COL5A2: variants seen among roughly 807,000 people sequenced by gnomAD.
The protein encoded by COL5A2 is collagen alpha-2(V) chain.
Under a neutral mutation model 208.2 loss-of-function variants are expected in COL5A2, and 23 were observed. That is an observed-to-expected ratio of 0.11 (90% CI 0.08 to 0.16). The LOEUF (loss-of-function observed/expected upper bound fraction) is 0.16. COL5A2 is among the 10% of genes least tolerant of loss of function. COL5A2 has a pLI of 1.00. For synonymous variants in COL5A2, 625 were observed against 628.5 expected (o/e 0.99, Z 0.08); for missense variants, 1,590 against 1,956.4 (o/e 0.81, Z 3.53).
chr2:189,250,957 C>A, the COL5A2 span, among the ~76,000 whole-genome samples: 1 of 152,094 alleles, frequency 6.6e-6, no homozygotes, highest in East Asian at 1.9e-4. Flanking sequence ...TTTTCAATTT[C>A]TGTGATGTAA....
the COL5A2 span, among the ~76,000 whole-genome samples, chr2:189,426,399 C>A: frequency 6.6e-6 from 1 of 152,166 alleles, no homozygotes; most frequent in South Asian, 2.1e-4. Context: ...AAGAATGCAA[C>A]CACTTGTCTC....
chr2:189,214,862 T>C (rs758707980), intron 1 of COL5A2, among the ~76,000 whole-genome samples: 3 of 152,182 alleles, frequency 2.0e-5, no homozygotes, highest in South Asian at 2.1e-4. Context: ...TAGATAAATT[T>C]TGTACTTGAA....
the COL5A2 span, among the ~76,000 whole-genome samples, chr2:189,349,553 G>A: frequency 6.6e-6 from 1 of 152,032 alleles, no homozygotes; most frequent in Admixed American, 6.6e-5. Flanking sequence ...TGATGGTGAT[G>A]GTTTATAAGT....
the COL5A2 span, among the ~76,000 whole-genome samples, chr2:189,287,196 G>A: frequency 6.6e-6 from 1 of 151,878 alleles, no homozygotes; most frequent in Non-Finnish European, 1.5e-5. Context: ...GTACCAAATT[G>A]AGAGTTATTT....
intron 1 of COL5A2, among the ~76,000 whole-genome samples, chr2:189,170,040 A>C (rs545383103): frequency 6.6e-6 from 1 of 152,332 alleles, no homozygotes; most frequent in East Asian, 1.9e-4. Context: ...TAGTAATCTA[A>C]TAATAATCAT....
the COL5A2 span, among the ~76,000 whole-genome samples, chr2:189,334,029 T>G: frequency 2.0e-5 from 3 of 150,642 alleles, no homozygotes; most frequent in South Asian, 6.2e-4. Context: ...TACAGTAATC[T>G]CAATAGATTT....
At chr2:189,373,310 G>A in the COL5A2 span, among the ~76,000 whole-genome samples, 1 of 152,078 alleles carries the variant, frequency 6.6e-6, no homozygotes, top group Non-Finnish European at 1.5e-5. Context: ...TTTAAGTTTA[G>A]TTCAGTTCAA....
chr2:189,262,207 A>G, the COL5A2 span, among the ~76,000 whole-genome samples: 1 of 152,132 alleles, frequency 6.6e-6, no homozygotes, highest in Non-Finnish European at 1.5e-5. Context: ...CTAGCCTTCC[A>G]GTTGAAAAGA....
chr2:189,305,848 G>A, the COL5A2 span, among the ~76,000 whole-genome samples: 15 of 151,814 alleles, frequency 9.9e-5, no homozygotes, highest in Non-Finnish European at 1.8e-4. Context: ...CATATATGCT[G>A]GATTTAGATT....
the COL5A2 span, among the ~76,000 whole-genome samples, chr2:189,318,907 T>C: frequency 6.6e-6 from 1 of 152,284 alleles, no homozygotes; most frequent in Non-Finnish European, 1.5e-5. Flanking sequence ...TGCCTCCAAA[T>C]GGACACCCTG....
intron 1 of COL5A2, among the ~76,000 whole-genome samples, chr2:189,173,931 T>C (rs1047773408): frequency 6.6e-6 from 1 of 152,198 alleles, no homozygotes; most frequent in African/African-American, 2.4e-5. Context: ...AATGTATAAA[T>C]CTAAGCTTTT....
At chr2:189,063,339 T>C in intron 26 of COL5A2, 69 bp from the exon 27 acceptor site, 1 of 1,231,956 alleles carries the variant, frequency 8.1e-7, no homozygotes, top group Admixed American at 1.7e-5. Context: ...ACCCAAAGTG[T>C]CACCTTTGCT....
At chr2:189,140,000 G>A (rs1687905309) in intron 1 of COL5A2, among the ~76,000 whole-genome samples, 3 of 151,998 alleles carry the variant, frequency 2.0e-5, no homozygotes, top group Admixed American at 1.3e-4. Flanking sequence ...TTGAATCCAG[G>A]AGACAGAGGT....
intron 2 of COL5A2, among the ~76,000 whole-genome samples, chr2:189,109,257 T>G (rs1041940503): frequency 2.0e-4 from 30 of 152,238 alleles, no homozygotes; most frequent in African/African-American, 7.2e-4. Flanking sequence ...ATGATTGTAT[T>G]TGCTTTGGGT....
chr2:189,194,280 ACC>A (rs1559142840), intron 1 of COL5A2, among the ~76,000 whole-genome samples: 8 of 152,210 alleles, frequency 5.3e-5, no homozygotes, highest in Non-Finnish European at 1.2e-4. Flanking sequence ...TTTCAAGTTT[ACC>A]AAAGTAGCAC....
chr2:189,314,406 C>T, the COL5A2 span, among the ~76,000 whole-genome samples: 1 of 152,100 alleles, frequency 6.6e-6, no homozygotes, highest in Non-Finnish European at 1.5e-5. Flanking sequence ...AACAAAGATA[C>T]AACACACCAG....
intron 1 of COL5A2, among the ~76,000 whole-genome samples, chr2:189,157,162 C>CT (rs1553521846): frequency 2.2e-4 from 31 of 140,828 alleles, no homozygotes; most frequent in African/African-American, 2.8e-4. Flanking sequence ...ATGTGCTAAG[C>CT]ATATATATAT....
In COL5A2 at chr2:189,137,763, C is replaced by T. The variant is rs1687854127; in HGVS notation, c.98-27314G>A. ...TGTGCAATACTCATGAAGGCTTGAACCACCATTCAGCACAAGGTGATGGGT... is the reference window on the plus strand; with the variant it reads ...TGTGCAATACTCATGAAGGCTTGAATCACCATTCAGCACAAGGTGATGGGT... On this transcript the variant is annotated intron_variant, in intron 1 of 53. Transcript: ENST00000374866. Among the ~76,000 whole-genome samples the T allele has an allele frequency of 3.3e-5, 5 of 152,154 alleles. No homozygotes were observed. The South Asian group carries it at 6.2e-4, about 19-fold the overall frequency.
intron 1 of COL5A2, among the ~76,000 whole-genome samples, chr2:189,206,776 T>C (rs971181475): frequency 1.3e-5 from 2 of 152,144 alleles, no homozygotes; most frequent in African/African-American, 2.4e-5. Context: ...GACAGCAGGA[T>C]TGTGAAAGAT....
Sources: allele counts gnomAD v4.1 joint callset (sites outside exome capture counted in the v4.1 genomes callset), GRCh38; gene constraint gnomAD v4.1.1; transcripts MANE v1.5; gene names NCBI Gene and HGNC (gene_info 2026-07-23, HGNC 2026-07-21).